Variants in ADAM28 observed in about 807,000 individuals in gnomAD.
The protein encoded by ADAM28 is ADAM metallopeptidase domain 28, also known as disintegrin and metalloproteinase domain-containing protein 28.
ADAM28 carries 105 observed loss-of-function variants against 101.2 expected under a neutral mutation model. The observed-to-expected ratio is 1.04, with a 90% CI of 0.89 to 1.22. The LOEUF is 1.22. ADAM28 is among the 50% of genes most tolerant of loss of function. The pLI is 0.00. For synonymous variants in ADAM28, 322 were observed against 310.6 expected (o/e 1.04, Z -0.39); for missense variants, 1,028 against 945.4 (o/e 1.09, Z -1.15).
At position 24,341,697 on chromosome 8, in the gene ADAM28, T is replaced by C; in HGVS notation, c.1770T>C (p.Pro590=). ...VTFLTCKTFD[P]EDTSQEIGMV... is the part of the protein sequence containing the mutation. ...TCCTGACATGTAAAACATTTGATCC[T>C]GAAGACACAAGTCAAGAAATAGGCA... The change falls in exon 16 of 23, where the codon CCT becomes CCC. Residue 590 remains proline (P), a synonymous_variant. Coordinates refer to ENST00000265769, the MANE Select transcript of ADAM28 (RefSeq NM_014265.6). The C allele has an allele frequency of 1.9e-6, 3 of 1,613,910 alleles. No individual in the cohort carries two copies. Among genetic ancestry groups the C allele is most frequent in the Non-Finnish European group, 2.5e-6 (3 of 1,179,854 alleles).
chr8:24,347,077 C>T (rs1337421059), intron 18 of ADAM28: 1 of 151,818 alleles, frequency 6.6e-6, no homozygotes, highest in African/African-American at 2.4e-5. Context: ...TTTTTCTCTA[C>T]CTTATGCTTT....
In ADAM28 at chr8:24,331,317, G is replaced by T; in HGVS notation, c.1271G>T (p.Gly424Val). Reference sequence around the variant, plus strand: ...GAAATGGGAGAGGACTGTGATTGTGGGACATCTGAGGTATGGCCAATCACT... The same window carrying T: ...GAAATGGGAGAGGACTGTGATTGTGTGACATCTGAGGTATGGCCAATCACT... ...LVEMGEDCDC[G>V]TSEECTNICC... Residue 424 changes from glycine (G) to valine (V), a missense_variant, in exon 12 of 23, where the codon GGG becomes GTG. Physicochemically the swap from Gly to Val is moderately radical, Grantham distance 109. Transcript: ENST00000265769. The T allele has an allele frequency of 6.2e-7, 1 of 1,603,058 alleles. No homozygotes were observed. The highest frequency in any genetic ancestry group is 2.2e-5 in the East Asian group (1 of 44,498).
chr8:24,308,282 ACT>A (rs1444838637), intron 2 of ADAM28, among the ~76,000 whole-genome samples: 1 of 152,078 alleles, frequency 6.6e-6, no homozygotes, highest in African/African-American at 2.4e-5. Flanking sequence ...CCACCAGGGA[ACT>A]CTCTTTCAAA....
At chr8:24,339,248 T>G (rs1814461848) in intron 14 of ADAM28, among the ~76,000 whole-genome samples, 1 of 152,130 alleles carries the variant, frequency 6.6e-6, no homozygotes, top group South Asian at 2.1e-4. Context: ...ATTTAAAAGA[T>G]TATTTGTAAT....
chr8:24,299,469 TTTA>T (rs2129233523), intron 1 of ADAM28, among the ~76,000 whole-genome samples: 2 of 152,310 alleles, frequency 1.3e-5, no homozygotes, highest in South Asian at 4.1e-4. Context: ...ATAGTTTTTT[TTTA>T]TTAGTATAGA....
At chr8:24,319,675 CT>C (rs756141678) in intron 6 of ADAM28, among the ~76,000 whole-genome samples, 344 of 144,486 alleles carry the variant, frequency 2.4e-3, no homozygotes, top group South Asian at 7.0e-3. Context: ...CACTATGTAA[CT>C]TTTTTTTTTT....
chr8:24,321,547 G>C, intron 8 of ADAM28: 1 of 421,086 alleles, frequency 2.4e-6, no homozygotes, highest in East Asian at 4.7e-5. Context: ...TGGGTGCATT[G>C]TATTTTCCAA....
At chr8:24,331,039 G>T in intron 11 of ADAM28, 111 bp from the exon 12 acceptor site, 2 of 1,100,216 alleles carry the variant, frequency 1.8e-6, no homozygotes, top group Non-Finnish European at 2.5e-6. Flanking sequence ...TCAGTGGATT[G>T]GATTTTGTCT....
At chr8:24,337,609 G>A (rs1023115878) in intron 14 of ADAM28, among the ~76,000 whole-genome samples, 1 of 152,126 alleles carries the variant, frequency 6.6e-6, no homozygotes, top group Admixed American at 6.6e-5. Flanking sequence ...TCAGGAAATG[G>A]AGTAGACCTC....
intron 1 of ADAM28, among the ~76,000 whole-genome samples, chr8:24,297,159 G>GTT (rs201347512): frequency 9.7e-5 from 14 of 144,602 alleles, no homozygotes; most frequent in Middle Eastern, 3.6e-3. Context: ...AATGTTGTGG[G>GTT]TTTTTTTTTG....
In ADAM28 at chr8:24,350,864, GTTTTTTTT is replaced by G. The variant is rs35073591; in HGVS notation, c.2100-349_2100-342del. Among the ~76,000 whole-genome samples, 47 of 148,288 alleles carry G rather than the reference GTTTTTTTT, an allele frequency of 3.2e-4. 2 individuals are homozygous for G. Among genetic ancestry groups the G allele is most frequent in the East Asian group, 7.9e-4 (4 of 5,064 alleles). On this transcript the variant is annotated intron_variant, in intron 19 of 22. Coordinates refer to ENST00000265769, the MANE Select transcript of ADAM28 (RefSeq NM_014265.6). The stretch of plus-strand genomic sequence containing the variant: ...ACGAACGTGATTCTGGCACAACGGT[GTTTTTTTT>G]TTTTTTTTTTTTTTTTTTAGCACTT...
At chr8:24,319,127 C>G (rs1429191245) in intron 6 of ADAM28, among the ~76,000 whole-genome samples, 1 of 151,958 alleles carries the variant, frequency 6.6e-6, no homozygotes, top group African/African-American at 2.4e-5. Flanking sequence ...TTTCTATGCT[C>G]TAAATATGCC....
intron 12 of ADAM28, among the ~76,000 whole-genome samples, chr8:24,332,459 G>C (rs544657372): frequency 6.6e-6 from 1 of 152,074 alleles, no homozygotes; most frequent in African/African-American, 2.4e-5. Flanking sequence ...GAAAAATGAC[G>C]TAAGTGGAAT....
rs561704485 is a variant in ADAM28 at position 24,335,880 on chromosome 8, G to GT, written c.1567+245dup. The GT allele has an allele frequency of 3.5e-4, 426 of 1,216,424 alleles. 4 individuals are homozygous for GT. In the South Asian group the frequency reaches 9.7e-3, roughly 28 times the overall value. The allele number at this position is 1,216,424 out of a possible 1,614,324, so 75.4% of individuals were successfully genotyped here. A position where few individuals can be genotyped will look rare whatever the true frequency, so the allele number is the denominator to read the frequency against. ...TTAACAAGTTTTTTGTTAATTTTTTGTTTTTTGTCTCAGCATCAGTATATC... is the reference window on the plus strand; with the variant it reads ...TTAACAAGTTTTTTGTTAATTTTTTGTTTTTTTGTCTCAGCATCAGTATATC... On this transcript the variant is annotated intron_variant, in intron 14 of 22. Transcript: ENST00000265769.
At chr8:24,341,576 T>C in intron 15 of ADAM28, 22 bp from the exon 16 acceptor site, 1 of 1,606,544 alleles carries the variant, frequency 6.2e-7, no homozygotes, top group Non-Finnish European at 8.5e-7. Flanking sequence ...AATCCTGCAA[T>C]ACATTTTGGC....
rs747653385 is a variant in ADAM28 at position 24,311,442 on chromosome 8, G to T, written c.383+5G>T. 2.5e-5 allele frequency: 40 copies of T among 1,610,384 alleles called. No homozygotes were observed. The Admixed American group carries it at 6.5e-4, about 26-fold the overall frequency. On this transcript the variant is annotated splice_donor_5th_base_variant and intron_variant, in intron 5 of 22. Coordinates refer to ENST00000265769, the MANE Select transcript of ADAM28 (RefSeq NM_014265.6). ...CAGCACATGTAGGGGTCTAAGGTAA[G>T]ACTTCAGGAATGTTTTGCATGTACC...
intron 19 of ADAM28, 32 bp from the exon 20 acceptor site, chr8:24,351,200 G>GA: frequency 2.0e-6 from 3 of 1,492,014 alleles, no homozygotes; most frequent in Non-Finnish European, 2.7e-6. Context: ...GAGCTGCTAA[G>GA]TCAATTGATA....
intron 2 of ADAM28, among the ~76,000 whole-genome samples, chr8:24,304,698 C>CT (rs1254995695): frequency 2.0e-5 from 3 of 151,890 alleles, no homozygotes; most frequent in Admixed American, 6.6e-5. Context: ...AAACCTGTCT[C>CT]TATCAAAAAT....
At position 24,321,227 on chromosome 8, in the gene ADAM28, T is replaced by C; in HGVS notation, c.658T>C (p.Tyr220His). 6.2e-7 allele frequency: 1 copy of C among 1,600,556 alleles called. No individual in the cohort carries two copies. Among genetic ancestry groups the C allele is most frequent in the Non-Finnish European group, 8.6e-7 (1 of 1,168,438 alleles). ...TTAATTTTTCTTTTAGTTTAAAAGG[T>C]ACAATGAGAATCAAGATGAGATCAG... ...LVLDNGEFKRYNENQDEIRKR... is the reference protein window; with the variant it reads ...LVLDNGEFKRHNENQDEIRKR... The change falls in exon 8 of 23, where the codon TAC becomes CAC. Residue 220 changes from tyrosine to histidine, a missense_variant. Coordinates refer to ENST00000265769, the MANE Select transcript of ADAM28 (RefSeq NM_014265.6).
Sources: gnomAD v4.1 joint callset for allele counts (sites outside exome capture counted in the v4.1 genomes callset) on GRCh38, gnomAD v4.1.1 for gene constraint, MANE v1.5 for transcripts, NCBI Gene and HGNC (gene_info 2026-07-23, HGNC 2026-07-21) for gene names.